Variants in DENND5B observed in about 807,000 individuals in gnomAD.
The protein encoded by DENND5B is DENN domain containing 5B.
Under a neutral mutation model 140.6 loss-of-function variants are expected in DENND5B, and 34 were observed. That is an observed-to-expected ratio of 0.24 (90% CI 0.18 to 0.32). The LOEUF is 0.32. DENND5B is among the 10% of genes least tolerant of loss of function. DENND5B has a pLI of 1.00. For missense variants in DENND5B, 1,142 were observed against 1,560.2 expected, an observed-to-expected ratio of 0.73 and a Z score of 4.52; for synonymous variants, 551 against 562.1, an observed-to-expected ratio of 0.98 and a Z score of 0.28.
intron 1 of DENND5B, among the ~76,000 whole-genome samples, chr12:31,586,424 C>T (rs1473015887): frequency 3.3e-5 from 5 of 152,092 alleles, no homozygotes; most frequent in Admixed American, 6.5e-5. Flanking sequence ...ACAGAAAGGA[C>T]GACAGGTAAT....
rs115650653 is a variant in DENND5B, at chr12:31,405,188, C to A, written c.2804-2545G>T. Among the ~76,000 whole-genome samples, 1,199 of 152,196 alleles carry A rather than the reference C, an allele frequency of 7.9e-3. 14 individuals are homozygous for A. Among genetic ancestry groups the A allele is most frequent in the African/African-American group, 0.028 (1,146 of 41,534 alleles). On this transcript the variant is annotated intron_variant, in intron 14 of 20. Transcript: ENST00000389082. ...AAAGTGCTGGAACTCCAGGCATGAG[C>A]CACTGCACCTGGCCTGATTGTAAAA...
chr12:31,426,259 T>TC, intron 9 of DENND5B, 34 bp downstream of exon 9: 1 of 1,586,340 alleles, frequency 6.3e-7, no homozygotes, highest in Middle Eastern at 1.7e-4. Flanking sequence ...TAAACATGAA[T>TC]GCACACTGTC....
intron 1 of DENND5B, among the ~76,000 whole-genome samples, chr12:31,578,783 C>A (rs190326052): frequency 1.3e-4 from 20 of 152,224 alleles, no homozygotes; most frequent in African/African-American, 4.8e-4. Context: ...GGCAGCAGGG[C>A]GTAGGAAAAA....
At chr12:31,520,016 C>T (rs1947818684) in intron 1 of DENND5B, among the ~76,000 whole-genome samples, 1 of 152,136 alleles carries the variant, frequency 6.6e-6, no homozygotes, top group African/African-American at 2.4e-5. Context: ...ATTTCTTGGC[C>T]TGTGTCAACT....
chr12:31,511,724 TGCCTG>T (rs1947424963), intron 1 of DENND5B, among the ~76,000 whole-genome samples: 1 of 152,004 alleles, frequency 6.6e-6, no homozygotes, highest in African/African-American at 2.4e-5. Context: ...CTTAATATTG[TGCCTG>T]GCAATAAAAA....
At chr12:31,426,569 G>A (rs1382044841) in intron 8 of DENND5B, 145 bp from the exon 9 acceptor site, 1 of 936,770 alleles carries the variant, frequency 1.1e-6, no homozygotes, top group Non-Finnish European at 1.5e-6. Flanking sequence ...ATGTTTTAGT[G>A]TACTAAAAGA....
At chr12:31,589,433 T>G (rs1950521983) in intron 1 of DENND5B, among the ~76,000 whole-genome samples, 2 of 152,182 alleles carry the variant, frequency 1.3e-5, no homozygotes, top group African/African-American at 4.8e-5. Flanking sequence ...GTTGAAAATG[T>G]TTTGTGTTTC....
chr12:31,547,309 T>C (rs1282882809), intron 1 of DENND5B, among the ~76,000 whole-genome samples: 1 of 152,180 alleles, frequency 6.6e-6, no homozygotes, highest in Non-Finnish European at 1.5e-5. Flanking sequence ...TCTACTCCCC[T>C]CCCAACTTTT....
intron 2 of DENND5B, among the ~76,000 whole-genome samples, chr12:31,488,916 T>C (rs1329404936): frequency 6.6e-6 from 1 of 152,246 alleles, no homozygotes; most frequent in Non-Finnish European, 1.5e-5. Context: ...CAGATTACTT[T>C]AGCCAAAGCA....
intron 1 of DENND5B, among the ~76,000 whole-genome samples, chr12:31,524,951 T>C (rs1948035155): frequency 6.6e-6 from 1 of 152,114 alleles, no homozygotes; most frequent in African/African-American, 2.4e-5. Context: ...CATGAGAACA[T>C]ACACAAATGA....
rs1236556774 is a variant in DENND5B at position 31,479,153 on chromosome 12, A to G, written c.904+436T>C. ...GCCTCAGGAAGCTGCAGAGTCAACA[A>G]TTTCATTTATCCCTTTTCAATGTTC... On this transcript the variant is annotated intron_variant, in intron 3 of 20. Coordinates refer to ENST00000389082, the MANE Select transcript of DENND5B (RefSeq NM_144973.4). Among the ~76,000 whole-genome samples, 3 of 152,142 alleles carry G rather than the reference A, an allele frequency of 2.0e-5. No homozygotes were observed. The East Asian group carries it at 5.8e-4, about 29-fold the overall frequency.
At chr12:31,470,058 C>T (rs1413651313) in intron 3 of DENND5B, among the ~76,000 whole-genome samples, 6 of 151,400 alleles carry the variant, frequency 4.0e-5, no homozygotes, top group South Asian at 4.2e-4. Flanking sequence ...AGGTGATCCT[C>T]GACCTCAGCC....
At chr12:31,498,217 C>A (rs1014549736) in intron 1 of DENND5B, among the ~76,000 whole-genome samples, 6 of 152,084 alleles carry the variant, frequency 3.9e-5, no homozygotes, top group African/African-American at 1.2e-4. Flanking sequence ...TGAAACACTG[C>A]AGAAGCAGAA....
intron 1 of DENND5B, among the ~76,000 whole-genome samples, chr12:31,539,368 C>T (rs938958417): frequency 1.3e-5 from 2 of 152,068 alleles, no homozygotes; most frequent in Non-Finnish European, 2.9e-5. Context: ...GGGAATAATT[C>T]CAAACTCACT....
chr12:31,461,330 T>C (rs1277241346), intron 3 of DENND5B, among the ~76,000 whole-genome samples: 1 of 152,212 alleles, frequency 6.6e-6, no homozygotes, highest in Non-Finnish European at 1.5e-5. Flanking sequence ...AACTATCATA[T>C]CTGGGTATTC....
At position 31,481,579 on chromosome 12, in the gene DENND5B, T is replaced by C. The variant is rs192782437; in HGVS notation, c.238-1324A>G. ...ACCTCAGGACGAGTATAGGTCTTAG[T>C]GGATAAAGAAGATTCCAGGCAGAGA... On this transcript the variant is annotated intron_variant, in intron 2 of 20. Transcript: ENST00000389082. Among the ~76,000 whole-genome samples the C allele has an allele frequency of 8.5e-5, 13 of 152,190 alleles. No individual in the cohort carries two copies. The South Asian group carries it at 1.0e-3, about 12-fold the overall frequency.
In DENND5B at chr12:31,387,671, T is replaced by C. The variant is rs779924694; in HGVS notation, c.3757A>G (p.Ile1253Val). The change falls in exon 21 of 21, where the codon ATT (isoleucine) becomes GTT (valine). Residue 1253 changes from isoleucine to valine, a missense_variant. Ile to Val is a conservative substitution (Grantham distance 29, BLOSUM62 3). Coordinates refer to ENST00000389082, the MANE Select transcript of DENND5B (RefSeq NM_144973.4). ...DRMTVNSLIR[I>V]LQTIQDFTIV... ...GTGAAGTCCTGAATGGTCTGCAGAATTCGGATAAGGGAGTTGACAGTCATG... is the reference window on the plus strand; with the variant it reads ...GTGAAGTCCTGAATGGTCTGCAGAACTCGGATAAGGGAGTTGACAGTCATG... 5 of 1,614,022 alleles carry C rather than the reference T, an allele frequency of 3.1e-6. No homozygotes were observed. The highest frequency in any genetic ancestry group is 4.2e-6 in the Non-Finnish European group (5 of 1,179,890).
intron 15 of DENND5B, among the ~76,000 whole-genome samples, chr12:31,400,215 T>C (rs1941718117): frequency 6.6e-6 from 1 of 152,242 alleles, no homozygotes; most frequent in Non-Finnish European, 1.5e-5. Context: ...CTGACACTGA[T>C]ATTCTTTTCT....
chr12:31,391,126 C>A (rs998065860), intron 19 of DENND5B, among the ~76,000 whole-genome samples: 1 of 152,202 alleles, frequency 6.6e-6, no homozygotes, highest in Non-Finnish European at 1.5e-5. Flanking sequence ...ACCTAGAAGG[C>A]CCTACACAAC....
Sources: gnomAD v4.1 joint callset for allele counts (sites outside exome capture counted in the v4.1 genomes callset) on GRCh38, gnomAD v4.1.1 for gene constraint, MANE v1.5 for transcripts, NCBI Gene and HGNC (gene_info 2026-07-23, HGNC 2026-07-21) for gene names.